The following SLC22A16 variants were observed in gnomAD, a reference collection of about 807,000 sequenced individuals.
The protein encoded by SLC22A16 is solute carrier family 22 member 16.
SLC22A16 carries 53 observed loss-of-function variants against 52.9 expected under a neutral mutation model. That is an observed-to-expected ratio of 1.00 (90% confidence interval 0.80 to 1.26). SLC22A16 has a LOEUF of 1.26. Ranked by LOEUF, SLC22A16 falls within the 50% of genes most tolerant of loss-of-function variation. The pLI, the probability that SLC22A16 is intolerant of heterozygous loss-of-function variation, is 0.00. For synonymous variants in SLC22A16, 291 were observed against 268.8 expected (o/e 1.08, Z -0.81); for missense variants, 726 against 704.0 (o/e 1.03, Z -0.35).
intron 2 of SLC22A16, among the ~76,000 whole-genome samples, chr6:110,453,156 C>G (rs868671398): frequency 6.6e-6 from 1 of 152,098 alleles, no homozygotes; most frequent in Non-Finnish European, 1.5e-5. Context: ...AGTTTTAATG[C>G]AATGTCCAGT....
chr6:110,459,427 C>T (rs557496772), intron 1 of SLC22A16, among the ~76,000 whole-genome samples: 7 of 152,120 alleles, frequency 4.6e-5, no homozygotes, highest in Non-Finnish European at 1.0e-4. Flanking sequence ...AAAACCATAA[C>T]CTTAGTTTAA....
At chr6:110,445,791 G>C (rs985410654) in intron 3 of SLC22A16, among the ~76,000 whole-genome samples, 16 of 152,076 alleles carry the variant, frequency 1.1e-4, no homozygotes, top group Non-Finnish European at 1.8e-4. Flanking sequence ...CCACCAGAAG[G>C]TTTCTCTCGT....
At chr6:110,443,955 G>C (rs1254545868) in intron 3 of SLC22A16, among the ~76,000 whole-genome samples, 2 of 152,188 alleles carry the variant, frequency 1.3e-5, no homozygotes, top group African/African-American at 2.4e-5. Context: ...GTTGTCAGGG[G>C]CTAGGGAGAC....
chr6:110,465,896 G>C (rs1240177515), intron 1 of SLC22A16, among the ~76,000 whole-genome samples: 1 of 152,104 alleles, frequency 6.6e-6, no homozygotes, highest in East Asian at 1.9e-4. Context: ...ATACTACAAG[G>C]CTATAGTAAC....
chr6:110,473,493 T>G (rs1235299647), intron 1 of SLC22A16, among the ~76,000 whole-genome samples: 2 of 2,776 alleles, frequency 7.2e-4, no homozygotes, highest in African/African-American at 2.6e-3. Context: ...TGTTTTCCCT[T>G]TTTTTTTTTT....
At chr6:110,465,177 C>T (rs752085399) in intron 1 of SLC22A16, among the ~76,000 whole-genome samples, 6 of 151,544 alleles carry the variant, frequency 4.0e-5, no homozygotes, top group Non-Finnish European at 7.4e-5. Context: ...ATAACAAACC[C>T]GTAGCCAACA....
intron 7 of SLC22A16, among the ~76,000 whole-genome samples, chr6:110,429,876 C>T (rs888999356): frequency 2.0e-5 from 3 of 151,784 alleles, no homozygotes; most frequent in East Asian, 1.9e-4. Context: ...TTGGAGGGGC[C>T]GTTTGGGCAG....
chr6:110,446,113 G>C (rs1409619652), intron 3 of SLC22A16, among the ~76,000 whole-genome samples: 1 of 152,058 alleles, frequency 6.6e-6, no homozygotes, highest in Non-Finnish European at 1.5e-5. Flanking sequence ...CCAACCTGCT[G>C]CTCTGCATTT....
Position 110,442,261 on chromosome 6 carries a change from A to C in SLC22A16, c.1166T>G (p.Leu389Ter), listed in dbSNP as rs2114935984. The change falls in exon 4 of 8, where the codon TTA becomes TGA. Residue 389 changes from leucine (L) to a stop codon, truncating the protein, a stop_gained. Coordinates refer to ENST00000368919, the MANE Select transcript of SLC22A16 (RefSeq NM_033125.4). LOFTEE classifies it high-confidence loss of function. The part of the protein sequence containing the change: ...NSVNLGGNEY[L>*]NLFLLGVVEI... ...CTACTTACCCAGGAGGAAGAGGTTT[A>C]AGTATTCATTGCCTCCTAAGTTAAC... 1 of 1,614,032 alleles carries C rather than the reference A, an allele frequency of 6.2e-7. No individual in the cohort carries two copies. The highest frequency in any genetic ancestry group is 1.7e-4 in the Middle Eastern group (1 of 6,058).
At chr6:110,439,959 A>G (rs1423191575) in intron 4 of SLC22A16, 2 of 152,256 alleles carry the variant, frequency 1.3e-5, no homozygotes, top group African/African-American at 2.4e-5. Flanking sequence ...AAGGCATATT[A>G]AATTTTAAAA....
chr6:110,445,080 A>AC (rs1224759473), intron 3 of SLC22A16, among the ~76,000 whole-genome samples: 2 of 151,850 alleles, frequency 1.3e-5, no homozygotes, highest in African/African-American at 4.8e-5. Context: ...CTCGGAATCC[A>AC]CCCCCTCATA....
intron 1 of SLC22A16, among the ~76,000 whole-genome samples, chr6:110,463,992 A>G (rs1158931785): frequency 6.6e-6 from 1 of 152,012 alleles, no homozygotes; most frequent in Non-Finnish European, 1.5e-5. Context: ...ACCAAGAGAA[A>G]CTCTCAAAAC....
intron 7 of SLC22A16, among the ~76,000 whole-genome samples, chr6:110,429,074 T>C (rs1774392013): frequency 1.3e-5 from 2 of 152,242 alleles, no homozygotes; most frequent in African/African-American, 4.8e-5. Flanking sequence ...TTTATAAATT[T>C]ATCTATTTTA....
intron 2 of SLC22A16, among the ~76,000 whole-genome samples, chr6:110,449,528 G>T (rs1209026668): frequency 1.3e-5 from 2 of 152,088 alleles, no homozygotes; most frequent in African/African-American, 2.4e-5. Context: ...TATAGGGATA[G>T]GACTTTGTTT....
chr6:110,431,104 G>A, intron 7 of SLC22A16, 67 bp downstream of exon 7: 1 of 1,282,356 alleles, frequency 7.8e-7, no homozygotes, highest in Non-Finnish European at 1.1e-6. Context: ...CAATAGAGAA[G>A]TTGCTAATAG....
In SLC22A16 at chr6:110,475,683, G is replaced by A. The variant is rs538441303; in HGVS notation, c.53+839C>T. On this transcript the variant is annotated intron_variant, in intron 1 of 7. Transcript: ENST00000368919. ...CAGAGGTAAGTAGCAGGCCAGGATC[G>A]AGACGCAGCTCCAAATCTCCGGCCA... is the stretch of plus-strand genomic sequence containing the variant. Among the ~76,000 whole-genome samples the A allele has an allele frequency of 5.9e-5, 9 of 152,258 alleles. No homozygotes were observed. The South Asian group carries it at 1.7e-3, about 28-fold the overall frequency.
intron 1 of SLC22A16, among the ~76,000 whole-genome samples, chr6:110,457,437 A>C (rs1775706164): frequency 6.6e-6 from 1 of 152,224 alleles, no homozygotes; most frequent in African/African-American, 2.4e-5. Flanking sequence ...AGCAACCTGA[A>C]AAAGTTCCCA....
chr6:110,443,831 T>C (rs1238448787), intron 3 of SLC22A16, among the ~76,000 whole-genome samples: 1 of 152,160 alleles, frequency 6.6e-6, no homozygotes, highest in Non-Finnish European at 1.5e-5. Flanking sequence ...ATGCATACAA[T>C]GAATATTATG....
At chr6:110,440,883 T>C (rs1376540716) in intron 4 of SLC22A16, among the ~76,000 whole-genome samples, 1 of 152,240 alleles carries the variant, frequency 6.6e-6, no homozygotes, top group Non-Finnish European at 1.5e-5. Flanking sequence ...AGAACGTGTC[T>C]GAAGAGGAGC....
Sources: gnomAD v4.1 joint callset for allele counts (sites outside exome capture counted in the v4.1 genomes callset) on GRCh38, gnomAD v4.1.1 for gene constraint, MANE v1.5 for transcripts, NCBI Gene and HGNC (gene_info 2026-07-23, HGNC 2026-07-21) for gene names.